Variants in CHAF1A observed in about 807,000 individuals in gnomAD.
CHAF1A encodes the protein CAF-1 subunit A.
A neutral mutation model predicts 93.2 loss-of-function variants in CHAF1A; 5 were observed. The observed-to-expected ratio is 0.05, with a 90% CI of 0.03 to 0.11. The LOEUF is 0.11. CHAF1A is among the 10% of genes least tolerant of loss of function. The pLI is 1.00. For synonymous variants in CHAF1A, 504 were observed against 510.3 expected, an observed-to-expected ratio of 0.99 and a Z score of 0.17; for missense variants, 1,102 against 1,259.9, an observed-to-expected ratio of 0.87 and a Z score of 1.90.
At chr19:4,440,321 C>A (rs941107957) in intron 13 of CHAF1A, among the ~76,000 whole-genome samples, 17 of 152,024 alleles carry the variant, frequency 1.1e-4, no homozygotes, top group African/African-American at 4.1e-4. Context: ...AGGAATCTTA[C>A]TAGGGTCAGG....
chr19:4,409,468 C>T lies in CHAF1A; in HGVS notation c.669C>T (p.Asp223=), dbSNP rs1450272477. The change falls in exon 3 of 15, where the codon GAC becomes GAT. Residue 223 remains aspartate (D), a synonymous_variant. Transcript: ENST00000301280. ...GPRMCPRKEQ[D]SWSEAGGILF... is the part of the protein sequence containing the mutation. ...GAATGTGCCCCAGAAAGGAGCAGGA[C>T]AGTTGGAGTGAAGCTGGGGGCATCC... The T allele has an allele frequency of 6.2e-7, 1 of 1,613,960 alleles. No individual in the cohort carries two copies. Among genetic ancestry groups the T allele is most frequent in the Non-Finnish European group, 8.5e-7 (1 of 1,180,018 alleles).
intron 13 of CHAF1A, among the ~76,000 whole-genome samples, chr19:4,435,630 A>G (rs1599661684): frequency 6.6e-6 from 1 of 152,042 alleles, no homozygotes; most frequent in East Asian, 1.9e-4. Context: ...TTTGCCTCCC[A>G]AAGTACTGGG....
In CHAF1A at chr19:4,409,224, C is replaced by T. The variant is rs150150583; in HGVS notation, c.425C>T (p.Pro142Leu). ...DHNKLNSEAS[P>L]SREAINGQRE... is the part of the protein sequence containing the mutation. Reference sequence around the variant, plus strand: ...AATAAACTAAATTCTGAAGCCTCTCCCTCCAGGGAGGCAATAAATGGCCAG... The same window carrying T: ...AATAAACTAAATTCTGAAGCCTCTCTCTCCAGGGAGGCAATAAATGGCCAG... The change falls in exon 3 of 15, where the codon CCC becomes CTC. Residue 142 changes from proline to leucine, a missense_variant. Pro to Leu is a moderately conservative substitution (Grantham distance 98). Around this residue, in one of 6 missense-constraint regions of CHAF1A, gnomAD observed 379 missense variants for 365.7 expected, o/e 1.04. Transcript: ENST00000301280. 4.3e-6 allele frequency: 7 copies of T among 1,614,162 alleles called. No homozygotes were observed. The highest frequency in any genetic ancestry group is 1.6e-4 in the Middle Eastern group (1 of 6,062).
chr19:4,445,816 T>A, downstream of CHAF1A: 1 of 1,070,720 alleles, frequency 9.3e-7, no homozygotes, highest in Non-Finnish European at 1.3e-6. Context: ...CCTACTGCAC[T>A]AGCTAACGCA....
chr19:4,440,095 C>T (rs929823370), intron 13 of CHAF1A, among the ~76,000 whole-genome samples: 4 of 152,144 alleles, frequency 2.6e-5, no homozygotes, highest in Non-Finnish European at 5.9e-5. Flanking sequence ...ATGGCCTGAC[C>T]GTTGTGTTGC....
intron 13 of CHAF1A, among the ~76,000 whole-genome samples, chr19:4,435,213 C>A (rs185872252): frequency 6.6e-6 from 1 of 150,530 alleles, no homozygotes; most frequent in Non-Finnish European, 1.5e-5. Flanking sequence ...GGCTCAGCCT[C>A]CCGAGTAGCT....
downstream of CHAF1A, chr19:4,448,644 T>A (rs1370668639): frequency 3.5e-6 from 2 of 566,454 alleles, no homozygotes; most frequent in Non-Finnish European, 6.3e-6. Context: ...AAGTCTCCCC[T>A]TCCGCCTTCT....
chr19:4,415,910 A>C (rs1038107142), intron 3 of CHAF1A, among the ~76,000 whole-genome samples: 21 of 152,176 alleles, frequency 1.4e-4, no homozygotes, highest in African/African-American at 5.1e-4. Context: ...GCGGTGGCTC[A>C]CGCCTTTAAT....
rs369411948 is a variant in CHAF1A at position 4,428,648 on chromosome 19, C to A, written c.1378-16C>A. ...CCATTGCTCGAAGACCCCATCGGGTCTCTTCTTGATTTCAGACCCTGGCCG... is the reference window on the plus strand; with the variant it reads ...CCATTGCTCGAAGACCCCATCGGGTATCTTCTTGATTTCAGACCCTGGCCG... On this transcript the variant is annotated splice_polypyrimidine_tract_variant and intron_variant, in intron 7 of 14. Transcript: ENST00000301280. 2 of 1,606,858 alleles carry A rather than the reference C, an allele frequency of 1.2e-6. No individual in the cohort carries two copies. Among genetic ancestry groups the A allele is most frequent in the African/African-American group, 2.7e-5 (2 of 74,764 alleles).
At chr19:4,406,257 T>G (rs150320895) in intron 2 of CHAF1A, among the ~76,000 whole-genome samples, 1 of 152,320 alleles carries the variant, frequency 6.6e-6, no homozygotes, top group East Asian at 1.9e-4. Context: ...TGCCAGTAAG[T>G]GCATCCTCCA....
Position 4,423,336 on chromosome 19 carries a change from G to A in CHAF1A, c.1249G>A (p.Ala417Thr). The A allele has an allele frequency of 1.2e-6, 2 of 1,614,128 alleles. No homozygotes were observed. The highest frequency in any genetic ancestry group is 1.7e-6 in the Non-Finnish European group (2 of 1,180,000). ...RRKERQEALEAKLEEKRKKEE... is the reference protein window; with the variant it reads ...RRKERQEALETKLEEKRKKEE... ...GAAATGTCATTTGCTGTCTCACAGGGCTAAACTTGAGGAAAAAAGGAAAAA... is the reference window on the plus strand; with the variant it reads ...GAAATGTCATTTGCTGTCTCACAGGACTAAACTTGAGGAAAAAAGGAAAAA... The change falls in exon 6 of 15, where the codon GCT (alanine) becomes ACT (threonine). Residue 417 changes from alanine to threonine, a missense_variant and splice_region_variant. This residue lies in a region of CHAF1A where 165 missense variants were observed against 243.9 expected (regional missense o/e 0.68). Coordinates refer to ENST00000301280, the MANE Select transcript of CHAF1A (RefSeq NM_005483.3).
At chr19:4,442,139 G>A (rs1974401784) in intron 13 of CHAF1A, 106 bp from the exon 14 acceptor site, 1 of 840,230 alleles carries the variant, frequency 1.2e-6, no homozygotes, top group Admixed American at 1.9e-5. Flanking sequence ...TTCCGTGTTG[G>A]GGGTGGGAGG....
At chr19:4,440,988 C>T (rs1272301753) in intron 13 of CHAF1A, among the ~76,000 whole-genome samples, 3 of 135,410 alleles carry the variant, frequency 2.2e-5, no homozygotes, top group Admixed American at 8.0e-5. Context: ...GGCGTAGTGG[C>T]GGGCACCTGT....
downstream of CHAF1A, chr19:4,445,468 C>T (rs1974486806): frequency 1.9e-6 from 3 of 1,613,254 alleles, no homozygotes; most frequent in Non-Finnish European, 2.5e-6. Flanking sequence ...GAGACAGACC[C>T]ACAGGGCTGA....
chr19:4,406,244 G>C (rs77096503), intron 2 of CHAF1A, among the ~76,000 whole-genome samples: 1 of 152,148 alleles, frequency 6.6e-6, no homozygotes, highest in Admixed American at 6.5e-5. Flanking sequence ...TCTTCCCACC[G>C]GATGCCAGTA....
chr19:4,415,140 C>T (rs975570511), intron 3 of CHAF1A, among the ~76,000 whole-genome samples: 3 of 151,962 alleles, frequency 2.0e-5, no homozygotes, highest in South Asian at 2.1e-4. Flanking sequence ...TGACCGGGCT[C>T]CAGCTGGGTA....
At chr19:4,446,797 C>G (rs753101384), downstream of CHAF1A, 2 of 1,613,752 alleles carry the variant, frequency 1.2e-6, no homozygotes, top group Non-Finnish European at 1.7e-6. Context: ...CGAGGCCCCT[C>G]GTCCCCATTC....
In CHAF1A at chr19:4,434,622, T is replaced by C. The variant is rs565006904; in HGVS notation, c.2673+1083T>C. 4.6e-5 allele frequency among the ~76,000 whole-genome samples: 7 copies of C among 152,244 alleles called. No individual in the cohort carries two copies. The South Asian group carries it at 1.5e-3, about 32-fold the overall frequency. ...GTGTGGCTCCTTTGACTTGGCAGTA[T>C]GCGTTGACAGTTCCTCCGTGTCTGT... On this transcript the variant is annotated intron_variant, in intron 13 of 14. Coordinates refer to ENST00000301280, the MANE Select transcript of CHAF1A (RefSeq NM_005483.3).
chr19:4,446,924 G>A (rs371480940), downstream of CHAF1A: 101 of 1,613,546 alleles, frequency 6.3e-5, no homozygotes, highest in Non-Finnish European at 7.3e-5. Flanking sequence ...TGCGCTCCTG[G>A]GGGTGGAGAT....
Sources: gnomAD v4.1 joint callset for allele counts (sites outside exome capture counted in the v4.1 genomes callset) on GRCh38, gnomAD v4.1.1 for gene constraint, gnomAD v4.1.1 regional missense constraint, MANE v1.5 for transcripts, NCBI Gene and HGNC (gene_info 2026-07-23, HGNC 2026-07-21) for gene names.